ACOX2: variants seen among roughly 807,000 people sequenced by gnomAD.
ACOX2 encodes the protein peroxisomal acyl-coenzyme A oxidase 2.
A neutral mutation model predicts 77.5 loss-of-function variants in ACOX2; 59 were observed. The observed-to-expected ratio is 0.76, with a 90% CI of 0.62 to 0.95. The LOEUF (loss-of-function observed/expected upper bound fraction) is 0.95. ACOX2 is among the 40% of genes least tolerant of loss of function. The pLI is 0.00. For synonymous variants in ACOX2, 317 were observed against 340.1 expected (o/e 0.93, Z 0.75); for missense variants, 837 against 880.4 (o/e 0.95, Z 0.62).
Position 58,528,954 on chromosome 3 carries a change from T to A in ACOX2, c.995A>T (p.Asp332Val), listed in dbSNP as rs1400268862. 1.2e-6 allele frequency: 2 copies of A among 1,607,846 alleles called. No homozygotes were observed. Among genetic ancestry groups the A allele is most frequent in the South Asian group, 2.2e-5 (2 of 89,718 alleles). ...IRRQSRLRPS[D>V]PEAKVLDYQT... Reference sequence around the variant, plus strand: ...GTAGTCCAGGACCTTTGCCTCTGGGTCACTGAAGGGAAAAGAACCAGAAGA... The same window carrying A: ...GTAGTCCAGGACCTTTGCCTCTGGGACACTGAAGGGAAAAGAACCAGAAGA... Residue 332 changes from aspartate to valine, a missense_variant and splice_region_variant, in exon 9 of 15, where the codon GAC becomes GTC. Transcript: ENST00000302819. The surrounding 1 kb of genome is among the most constrained non-coding windows in gnomAD (Gnocchi z 5.6).
At chr3:58,520,396 G>C (rs545537271) in intron 12 of ACOX2, among the ~76,000 whole-genome samples, 1 of 152,360 alleles carries the variant, frequency 6.6e-6, no homozygotes, top group East Asian at 1.9e-4. Flanking sequence ...CATGGTCCTG[G>C]AGACTGACAT....
chr3:58,513,593 T>C (rs938029484), intron 13 of ACOX2, among the ~76,000 whole-genome samples: 2 of 152,176 alleles, frequency 1.3e-5, no homozygotes, highest in African/African-American at 4.8e-5. Flanking sequence ...GGTTTTTATT[T>C]TGTGGTTGCA....
At position 58,523,391 on chromosome 3, in the gene ACOX2, T is replaced by C. The variant is rs1385869815; in HGVS notation, c.1527-790A>G. On this transcript the variant is annotated intron_variant, in intron 11 of 14. Coordinates refer to ENST00000302819, the MANE Select transcript of ACOX2 (RefSeq NM_003500.4). The surrounding 1 kb of genome is among the most constrained non-coding windows in gnomAD (Gnocchi z 5.3). ...GAGTTTGGGGTGTTTATCAGGCCTA[T>C]TTACTGATAGGTCCCTAATGCCTAG... 6.6e-6 allele frequency among the ~76,000 whole-genome samples: 1 copy of C among 152,176 alleles called. No homozygotes were observed. The highest frequency in any genetic ancestry group is 1.5e-5 in the Non-Finnish European group (1 of 68,040).
chr3:58,535,079 A>G lies in ACOX2; in HGVS notation c.28T>C (p.Leu10=), dbSNP rs140431503. The G allele has an allele frequency of 1.8e-3, 2,888 of 1,614,124 alleles. 3 individuals are homozygous for G. The highest frequency in any genetic ancestry group is 2.3e-3 in the Non-Finnish European group (2,713 of 1,180,018). The change falls in exon 2 of 15, where the codon TTG becomes CTG. Residue 10 remains leucine (L), a synonymous_variant. Coordinates refer to ENST00000302819, the MANE Select transcript of ACOX2 (RefSeq NM_003500.4). The surrounding 1 kb of genome is among the most constrained non-coding windows in gnomAD (Gnocchi z 4.8). MGSPVHRVS[L]GDTWSRQMHP... is the part of the protein sequence containing the mutation. ...ATTTGCCTGCTCCAGGTATCCCCCA[A>G]TGACACTCGGTGCACTGGGCTGCCC...
Position 58,533,613 on chromosome 3 carries a change from G to A in ACOX2, c.476-61C>T, listed in dbSNP as rs554300801. On this transcript the variant is annotated intron_variant, in intron 4 of 14. Coordinates refer to ENST00000302819, the MANE Select transcript of ACOX2 (RefSeq NM_003500.4). The surrounding 1 kb of genome is among the most constrained non-coding windows in gnomAD (Gnocchi z 5.6). The stretch of plus-strand genomic sequence containing the variant: ...AGGTGGGGTTCTTACCTGTGAAGCT[G>A]CTTCTAGGTGGGTCTGAACTCTTAG... The A allele has an allele frequency of 2.2e-5, 33 of 1,501,836 alleles. 1 individual carries two copies. In the African/African-American group the frequency reaches 4.5e-4, roughly 21 times the overall value. The allele number at this position is 1,501,836 out of a possible 1,614,324, so 93.0% of individuals were successfully genotyped here.
In ACOX2 at chr3:58,528,848, G is replaced by GAACTCC. The variant is rs2108006439; in HGVS notation, c.1095_1100dup (p.Leu365_Glu366dup). 1.9e-6 allele frequency: 3 copies of GAACTCC among 1,613,836 alleles called. No individual in the cohort carries two copies. The highest frequency in any genetic ancestry group is 2.5e-6 in the Non-Finnish European group (3 of 1,179,886). The stretch of plus-strand genomic sequence containing the variant: ...GAATGGCAGTGTAGGAGTGCTGGAA[G>GAACTCC]AACTCCAAGAGGCTGACTGCCAGGA... On this transcript the variant is annotated inframe_insertion, in exon 9 of 15. Coordinates refer to ENST00000302819, the MANE Select transcript of ACOX2 (RefSeq NM_003500.4). This position sits in a 1 kb window ranked among gnomAD's most constrained non-coding sequence, Gnocchi z 5.6.
In ACOX2 at chr3:58,524,667, C is replaced by T; in HGVS notation, c.1347-62G>A. 1 of 1,531,594 alleles carries T rather than the reference C, an allele frequency of 6.5e-7. No homozygotes were observed. The highest frequency in any genetic ancestry group is 1.2e-5 in the South Asian group (1 of 84,994). 94.9% of individuals were successfully genotyped at this position (1,531,594 alleles called of 1,614,324 possible). A position where few individuals can be genotyped will look rare whatever the true frequency, so the allele number is the denominator to read the frequency against. The stretch of plus-strand genomic sequence containing the variant: ...GACTCTGTGAGACAGCCCAGCACCC[C>T]TCACTCCCAGAGACAGGCAAGCTCA... On this transcript the variant is annotated intron_variant, in intron 10 of 14. Transcript: ENST00000302819. This position sits in a 1 kb window ranked among gnomAD's most constrained non-coding sequence, Gnocchi z 5.5.
chr3:58,529,783 C>A (rs537861585), intron 8 of ACOX2, among the ~76,000 whole-genome samples: 1 of 152,244 alleles, frequency 6.6e-6, no homozygotes, highest in East Asian at 1.9e-4. Flanking sequence ...TCACCCTCCA[C>A]ACCACACTGA....
At chr3:58,509,046 T>C (rs1385125821) in intron 13 of ACOX2, 21 bp from the exon 14 acceptor site, 1 of 1,613,322 alleles carries the variant, frequency 6.2e-7, no homozygotes, top group Non-Finnish European at 8.5e-7. Flanking sequence ...AAACAAGAGT[T>C]TGTAAGTATT....
In ACOX2 at chr3:58,531,353, C is replaced by A; in HGVS notation, c.717G>T (p.Gly239=). Residue 239 remains glycine (G), a synonymous_variant, in exon 7 of 15, where the codon GGG becomes GGT. Coordinates refer to ENST00000302819, the MANE Select transcript of ACOX2 (RefSeq NM_003500.4). This position sits in a 1 kb window ranked among gnomAD's most constrained non-coding sequence, Gnocchi z 5.8. ...CAAAGTCCATCTTGGGTCCGATGTCCCCAATGATGATTCCTTGAAGGAGAT... is the reference window on the plus strand; with the variant it reads ...CAAAGTCCATCTTGGGTCCGATGTCACCAATGATGATTCCTTGAAGGAGAT... The part of the protein sequence containing the change: ...DHTPLPGIII[G]DIGPKMDFDQ... 6.2e-7 allele frequency: 1 copy of A among 1,613,776 alleles called. No homozygotes were observed. The highest frequency in any genetic ancestry group is 1.1e-5 in the South Asian group (1 of 91,066).
At chr3:58,532,458 T>C (rs1156279842) in intron 5 of ACOX2, among the ~76,000 whole-genome samples, 2 of 152,090 alleles carry the variant, frequency 1.3e-5, no homozygotes, top group Non-Finnish European at 2.9e-5. Flanking sequence ...TGAGCTCGGC[T>C]CATTGCAGCC....
intron 14 of ACOX2, among the ~76,000 whole-genome samples, chr3:58,507,097 A>G (rs890653666): frequency 2.0e-5 from 3 of 152,260 alleles, no homozygotes; most frequent in African/African-American, 4.8e-5. Context: ...CATGCGTGAA[A>G]GATCCACAAT....
rs544225444 is a variant in ACOX2 at position 58,536,373 on chromosome 3, T to G, written c.-92+746A>C. On this transcript the variant is annotated intron_variant, in intron 1 of 14. Coordinates refer to ENST00000302819, the MANE Select transcript of ACOX2 (RefSeq NM_003500.4). ...CTTTTGATCCCCTTCCTTCCTGACC[T>G]CAACCTGACAGATGCACTGCTGTTA... Among the ~76,000 whole-genome samples, 5 of 152,326 alleles carry G rather than the reference T, an allele frequency of 3.3e-5. No homozygotes were observed. The South Asian group carries it at 1.0e-3, about 32-fold the overall frequency.
chr3:58,531,235 T>A lies in ACOX2; in HGVS notation c.819+16A>T. ...CTCCAGGAAGTACAAGTCCCCGGCCTCCCCAGATCTGTAACCTGTGCAAAG... is the reference window on the plus strand; with the variant it reads ...CTCCAGGAAGTACAAGTCCCCGGCCACCCCAGATCTGTAACCTGTGCAAAG... On this transcript the variant is annotated intron_variant, in intron 7 of 14. Transcript: ENST00000302819. This position sits in a 1 kb window ranked among gnomAD's most constrained non-coding sequence, Gnocchi z 5.8. 1 of 1,604,582 alleles carries A rather than the reference T, an allele frequency of 6.2e-7. No homozygotes were observed. Among genetic ancestry groups the A allele is most frequent in the South Asian group, 1.1e-5 (1 of 90,692 alleles).
rs982714523 is a variant in ACOX2 at position 58,514,557 on chromosome 3, A to T, written c.1850+2649T>A. The stretch of plus-strand genomic sequence containing the variant: ...TGACTAATCAAGGCAGGGAACTGTG[A>T]CACCAAACAGTGATATGCATAGAAT... On this transcript the variant is annotated intron_variant, in intron 13 of 14. Coordinates refer to ENST00000302819, the MANE Select transcript of ACOX2 (RefSeq NM_003500.4). This position sits in a 1 kb window ranked among gnomAD's most constrained non-coding sequence, Gnocchi z 4.3. Among the ~76,000 whole-genome samples, 1 of 152,182 alleles carries T rather than the reference A, an allele frequency of 6.6e-6. No individual in the cohort carries two copies. Among genetic ancestry groups the T allele is most frequent in the Non-Finnish European group, 1.5e-5 (1 of 68,030 alleles).
intron 13 of ACOX2, 117 bp from the exon 14 acceptor site, chr3:58,509,142 C>T: frequency 8.1e-7 from 1 of 1,232,702 alleles, no homozygotes; most frequent in Non-Finnish European, 1.1e-6. Flanking sequence ...GCTTTTCAAA[C>T]AATTCAGCAT....
rs1318868511 is a variant in ACOX2, at chr3:58,522,366, G to T, written c.1632+130C>A. The T allele has an allele frequency of 1.0e-5, 8 of 799,066 alleles. No individual in the cohort carries two copies. The highest frequency in any genetic ancestry group is 1.4e-5 in the Non-Finnish European group (7 of 488,590). The allele number at this position is 799,066 out of a possible 1,614,324, so 49.5% of individuals were successfully genotyped here. A position where few individuals can be genotyped will look rare whatever the true frequency, so the allele number is the denominator to read the frequency against. On this transcript the variant is annotated intron_variant, in intron 12 of 14. Coordinates refer to ENST00000302819, the MANE Select transcript of ACOX2 (RefSeq NM_003500.4). The surrounding 1 kb of genome is among the most constrained non-coding windows in gnomAD (Gnocchi z 4.3). The stretch of plus-strand genomic sequence containing the variant: ...TAAAATACCCTGGACTAAAGCCTTG[G>T]AAGTGAAATGAGGGCAGCCGCCACT...
rs1008969828 is a variant in ACOX2 at position 58,522,346 on chromosome 3, T to C, written c.1632+150A>G. On this transcript the variant is annotated intron_variant, in intron 12 of 14. Coordinates refer to ENST00000302819, the MANE Select transcript of ACOX2 (RefSeq NM_003500.4). This position sits in a 1 kb window ranked among gnomAD's most constrained non-coding sequence, Gnocchi z 4.3. ...TTGGAGTTAAGTCCTTTAATTAAAA[T>C]ACCCTGGACTAAAGCCTTGGAAGTG... 4 of 677,838 alleles carry C rather than the reference T, an allele frequency of 5.9e-6. No individual in the cohort carries two copies. The Admixed American group carries it at 8.6e-5, about 15-fold the overall frequency. The allele number at this position is 677,838 out of a possible 1,614,324, so 42.0% of individuals were successfully genotyped here. A position where few individuals can be genotyped will look rare whatever the true frequency, so the allele number is the denominator to read the frequency against.
Position 58,523,744 on chromosome 3 carries a change from C to T in ACOX2, c.1526+682G>A, listed in dbSNP as rs1560215932. Among the ~76,000 whole-genome samples the T allele has an allele frequency of 6.6e-6, 1 of 152,118 alleles. No individual in the cohort carries two copies. The highest frequency in any genetic ancestry group is 6.5e-5 in the Admixed American group (1 of 15,276). On this transcript the variant is annotated intron_variant, in intron 11 of 14. Coordinates refer to ENST00000302819, the MANE Select transcript of ACOX2 (RefSeq NM_003500.4). This position sits in a 1 kb window ranked among gnomAD's most constrained non-coding sequence, Gnocchi z 5.3. ...AATTACTGGTGTCAGCCACCATGCC[C>T]AGCCTGTTTTCGGTGTTTTAATTTG... is the stretch of plus-strand genomic sequence containing the variant.
Sources: gnomAD v4.1 joint callset for allele counts (sites outside exome capture counted in the v4.1 genomes callset) on GRCh38, gnomAD v4.1.1 for gene constraint, Gnocchi (gnomAD v3.1) non-coding constraint, MANE v1.5 for transcripts, NCBI Gene and HGNC (gene_info 2026-07-23, HGNC 2026-07-21) for gene names.